Variants in CNTN6 observed in about 807,000 individuals in gnomAD.
CNTN6 encodes contactin-6.
In CNTN6, 137 loss-of-function variants were observed where a neutral mutation model predicts 122.8. That is an observed-to-expected ratio of 1.12 (90% CI 0.97 to 1.29). CNTN6 has a LOEUF of 1.29. Ranked by LOEUF, CNTN6 falls within the 50% of genes most tolerant of loss-of-function variation. CNTN6 has a pLI of 0.00. For missense variants in CNTN6, 1,634 were observed against 1,223.4 expected (o/e 1.34, Z -5.01); for synonymous variants, 570 against 426.0 (o/e 1.34, Z -4.16).
chr3:1,156,044 A>G (rs1038806652), intron 2 of CNTN6, among the ~76,000 whole-genome samples: 1 of 152,224 alleles, frequency 6.6e-6, no homozygotes, highest in Admixed American at 6.5e-5. Context: ...CAATTAATTC[A>G]ATTCTACCTG....
chr3:1,120,296 G>T (rs183926907), intron 1 of CNTN6, among the ~76,000 whole-genome samples: 304 of 151,976 alleles, frequency 2.0e-3, no homozygotes, highest in African/African-American at 7.0e-3. Context: ...GAAAGTGGTT[G>T]TGTCATTTTA....
rs997060401 is a variant in CNTN6 at position 1,112,317 on chromosome 3, G to A, written c.-83+19197G>A. On this transcript the variant is annotated intron_variant, in intron 1 of 22. Coordinates refer to ENST00000446702, the MANE Select transcript of CNTN6 (RefSeq NM_001289080.2). The stretch of plus-strand genomic sequence containing the variant: ...GTTTATTAGAAAAATTGAGACTCTC[G>A]ATTATGCAGACTGAAAAGTCCCAGG... Among the ~76,000 whole-genome samples the A allele has an allele frequency of 1.7e-4, 26 of 152,210 alleles. No individual in the cohort carries two copies. In the South Asian group the frequency reaches 4.8e-3, roughly 28 times the overall value.
chr3:1,110,449 G>A (rs1337272118), intron 1 of CNTN6, among the ~76,000 whole-genome samples: 2 of 152,038 alleles, frequency 1.3e-5, no homozygotes, highest in Non-Finnish European at 2.9e-5. Flanking sequence ...GTGCATGGCT[G>A]GAAGACATCA....
At chr3:1,240,665 C>G (rs1272982771) in intron 4 of CNTN6, among the ~76,000 whole-genome samples, 1 of 150,582 alleles carries the variant, frequency 6.6e-6, no homozygotes, top group Non-Finnish European at 1.5e-5. Flanking sequence ...CCAGCAATCC[C>G]ACTACTTGGT....
intron 5 of CNTN6, 130 bp downstream of exon 5, chr3:1,278,638 T>A: frequency 1.8e-6 from 1 of 554,590 alleles, no homozygotes; most frequent in Non-Finnish European, 3.2e-6. Flanking sequence ...CAAGTGCATC[T>A]ACTGCATACA....
chr3:1,366,614 A>G (rs1365670636), intron 12 of CNTN6, among the ~76,000 whole-genome samples: 1 of 152,158 alleles, frequency 6.6e-6, no homozygotes, highest in African/African-American at 2.4e-5. Context: ...TGCAAGCACC[A>G]ATCTTCCAGT....
At chr3:1,146,533 C>T (rs1237811893) in intron 1 of CNTN6, among the ~76,000 whole-genome samples, 1 of 151,868 alleles carries the variant, frequency 6.6e-6, no homozygotes. Context: ...CCCTATAAAT[C>T]TCATACATAT....
chr3:1,123,734 G>A (rs2092050805), intron 1 of CNTN6, among the ~76,000 whole-genome samples: 1 of 151,942 alleles, frequency 6.6e-6, no homozygotes, highest in Admixed American at 6.6e-5. Context: ...GAACAGCAAT[G>A]GTGAAGGAGA....
At chr3:1,322,067 A>T (rs1700939240) in intron 8 of CNTN6, among the ~76,000 whole-genome samples, 1 of 151,746 alleles carries the variant, frequency 6.6e-6, no homozygotes, top group Admixed American at 6.6e-5. Context: ...TTGCCTTCAA[A>T]ATATCAGCAG....
At chr3:1,370,292 G>A (rs1708829608) in intron 12 of CNTN6, among the ~76,000 whole-genome samples, 1 of 151,686 alleles carries the variant, frequency 6.6e-6, no homozygotes, top group Non-Finnish European at 1.5e-5. Flanking sequence ...CGTGGGAATT[G>A]AACAATGAGA....
At chr3:1,386,629 T>TA (rs1433397660) in intron 20 of CNTN6, among the ~76,000 whole-genome samples, 174 of 152,316 alleles carry the variant, frequency 1.1e-3, no homozygotes, top group East Asian at 8.1e-3. Flanking sequence ...GGTTGAATAA[T>TA]ATTTACATAT....
intron 2 of CNTN6, among the ~76,000 whole-genome samples, chr3:1,197,113 G>A (rs1575194232): frequency 1.3e-5 from 2 of 152,164 alleles, no homozygotes; most frequent in African/African-American, 2.4e-5. Context: ...GATTGCCCAC[G>A]TTTGCCTGAG....
At chr3:1,323,372 A>T (rs566381113) in intron 8 of CNTN6, among the ~76,000 whole-genome samples, 2 of 151,776 alleles carry the variant, frequency 1.3e-5, no homozygotes, top group African/African-American at 4.8e-5. Flanking sequence ...TCATTGTACT[A>T]TATCTCACCA....
chr3:1,259,446 C>A (rs9815195), intron 4 of CNTN6, among the ~76,000 whole-genome samples: 44,072 of 151,840 alleles, frequency 0.29, 7,937 homozygotes, highest in African/African-American at 0.51. Context: ...TAATTAATGA[C>A]GTGTCACATA....
chr3:1,390,394 G>A (rs546757147), intron 20 of CNTN6, among the ~76,000 whole-genome samples: 2 of 151,426 alleles, frequency 1.3e-5, no homozygotes, highest in Admixed American at 1.3e-4. Flanking sequence ...CAGAATCTCT[G>A]GGATGCATTC....
intron 5 of CNTN6, among the ~76,000 whole-genome samples, chr3:1,279,644 G>T (rs7645973): frequency 0.04 from 6,015 of 152,234 alleles, 177 homozygotes; most frequent in South Asian, 0.073. Context: ...TATCACTGCA[G>T]TTGTTATAAT....
At chr3:1,334,434 T>C (rs964361198) in intron 11 of CNTN6, among the ~76,000 whole-genome samples, 2 of 151,886 alleles carry the variant, frequency 1.3e-5, no homozygotes, top group Non-Finnish European at 2.9e-5. Context: ...TGAAATAATA[T>C]GAAAACAACT....
At chr3:1,373,812 A>C in intron 15 of CNTN6, 50 bp downstream of exon 15, 1 of 1,502,724 alleles carries the variant, frequency 6.7e-7, no homozygotes, top group South Asian at 1.4e-5. Context: ...ATTTTAGTCC[A>C]ATAATTTTAA....
chr3:1,139,033 GC>G (rs1216901785), intron 1 of CNTN6, among the ~76,000 whole-genome samples: 1 of 152,048 alleles, frequency 6.6e-6, no homozygotes, highest in Non-Finnish European at 1.5e-5. Context: ...CCAACCTTTA[GC>G]CCAGGGGTGG....
Sources: gnomAD v4.1 joint callset for allele counts (sites outside exome capture counted in the v4.1 genomes callset) on GRCh38, gnomAD v4.1.1 for gene constraint, MANE v1.5 for transcripts, NCBI Gene and HGNC (gene_info 2026-07-23, HGNC 2026-07-21) for gene names.